Variants in GPC5 observed in about 807,000 individuals in gnomAD.
GPC5 encodes glypican-5.
GPC5 carries 47 observed loss-of-function variants against 53.9 expected under a neutral mutation model. The ratio of observed to expected loss-of-function variants is 0.87; its 90% CI spans 0.69 to 1.11. The LOEUF (loss-of-function observed/expected upper bound fraction) is 1.11. GPC5 is among the 50% of genes most tolerant of loss of function. GPC5 has a pLI of 0.00. For missense variants in GPC5, 748 were observed against 713.1 expected, an observed-to-expected ratio of 1.05 and a Z score of -0.56; for synonymous variants, 286 against 263.3, an observed-to-expected ratio of 1.09 and a Z score of -0.84.
At chr13:92,407,293 T>G (rs2139344273) in intron 7 of GPC5, among the ~76,000 whole-genome samples, 1 of 152,316 alleles carries the variant, frequency 6.6e-6, no homozygotes, top group African/African-American at 2.4e-5. Flanking sequence ...AATGACTTCT[T>G]TGAATGGCTT....
At chr13:91,448,714 T>G (rs754327954) in intron 1 of GPC5, 47 bp from the exon 2 acceptor site, 2 of 1,584,942 alleles carry the variant, frequency 1.3e-6, no homozygotes, top group Non-Finnish European at 1.7e-6. Context: ...TATGTAATAC[T>G]TGTTAAATGA....
At chr13:91,623,086 A>G (rs1048150245) in intron 2 of GPC5, among the ~76,000 whole-genome samples, 1 of 152,086 alleles carries the variant, frequency 6.6e-6, no homozygotes, top group African/African-American at 2.4e-5. Context: ...AAATATCTTT[A>G]TATCTCTGTA....
At chr13:92,172,583 T>G (rs2042078286) in intron 7 of GPC5, among the ~76,000 whole-genome samples, 1 of 152,192 alleles carries the variant, frequency 6.6e-6, no homozygotes, top group Admixed American at 6.5e-5. Flanking sequence ...AATTTTCAAG[T>G]GCTCATAGTC....
chr13:92,436,187 T>C (rs34769873), intron 7 of GPC5, among the ~76,000 whole-genome samples: 11,058 of 152,266 alleles, frequency 0.073, 437 homozygotes, highest in Admixed American at 0.1. Flanking sequence ...TAAAGACTTA[T>C]TTTGTTTGTG....
chr13:92,169,073 T>C (rs185619622), intron 7 of GPC5, among the ~76,000 whole-genome samples: 2 of 151,926 alleles, frequency 1.3e-5, no homozygotes, highest in Admixed American at 6.5e-5. Flanking sequence ...GCAAACTAAC[T>C]CAGGAACAGA....
intron 2 of GPC5, among the ~76,000 whole-genome samples, chr13:91,548,250 TAATC>T (rs1201630014): frequency 6.6e-6 from 1 of 152,200 alleles, no homozygotes; most frequent in East Asian, 1.9e-4. Flanking sequence ...CTGGAACTAA[TAATC>T]AATTATGGCA....
At chr13:91,710,539 T>G (rs962646275) in intron 3 of GPC5, among the ~76,000 whole-genome samples, 1 of 151,980 alleles carries the variant, frequency 6.6e-6, no homozygotes, top group African/African-American at 2.4e-5. Context: ...TTGGTAGAGG[T>G]GTATATAATC....
intron 7 of GPC5, among the ~76,000 whole-genome samples, chr13:92,301,906 AAAT>A (rs2043078301): frequency 6.6e-6 from 1 of 152,042 alleles, no homozygotes; most frequent in Admixed American, 6.6e-5. Context: ...AAAAATAAAT[AAAT>A]AAATTAATTA....
At chr13:92,004,542 A>C (rs934959700) in intron 6 of GPC5, among the ~76,000 whole-genome samples, 14 of 145,470 alleles carry the variant, frequency 9.6e-5, no homozygotes, top group African/African-American at 3.6e-4. Flanking sequence ...AGTATATATG[A>C]CTCTATTCAT....
chr13:92,552,976 T>C (rs1307787037), intron 7 of GPC5, among the ~76,000 whole-genome samples: 1 of 151,942 alleles, frequency 6.6e-6, no homozygotes, highest in Non-Finnish European at 1.5e-5. Flanking sequence ...CTGAAGGCTT[T>C]ATTTATGACT....
intron 2 of GPC5, among the ~76,000 whole-genome samples, chr13:91,679,935 A>G (rs1361918442): frequency 6.7e-6 from 1 of 150,260 alleles, no homozygotes; most frequent in African/African-American, 2.5e-5. Flanking sequence ...TCTGAATACC[A>G]TTTTTTTTTC....
chr13:92,632,798 T>C (rs535569442), intron 7 of GPC5, among the ~76,000 whole-genome samples: 74 of 152,246 alleles, frequency 4.9e-4, no homozygotes, highest in African/African-American at 1.8e-3. Flanking sequence ...CTTACAATCC[T>C]GGTGAAAGGC....
intron 7 of GPC5, among the ~76,000 whole-genome samples, chr13:92,547,298 T>C (rs1036043371): frequency 6.6e-6 from 1 of 152,214 alleles, no homozygotes; most frequent in African/African-American, 2.4e-5. Flanking sequence ...TGAAGGAATA[T>C]ATTTTTTCGA....
At chr13:92,606,622 T>G (rs1884269596) in intron 7 of GPC5, among the ~76,000 whole-genome samples, 1 of 152,216 alleles carries the variant, frequency 6.6e-6, no homozygotes, top group Admixed American at 6.5e-5. Flanking sequence ...AGGTCTACAA[T>G]GTCCTTTCCA....
intron 7 of GPC5, among the ~76,000 whole-genome samples, chr13:92,185,985 A>G (rs1317103017): frequency 6.6e-6 from 1 of 152,166 alleles, no homozygotes; most frequent in Non-Finnish European, 1.5e-5. Context: ...ATAAAATGTA[A>G]TAACAGCTTT....
At chr13:92,772,133 G>A (rs1055046199) in intron 7 of GPC5, among the ~76,000 whole-genome samples, 5 of 151,798 alleles carry the variant, frequency 3.3e-5, no homozygotes, top group African/African-American at 4.8e-5. Context: ...CCCTAGTCTC[G>A]GTCACTATTA....
intron 2 of GPC5, among the ~76,000 whole-genome samples, chr13:91,581,160 A>G (rs1464865527): frequency 6.6e-6 from 1 of 152,194 alleles, no homozygotes; most frequent in African/African-American, 2.4e-5. Context: ...AGAATTCAAG[A>G]TGAGATTTGG....
intron 7 of GPC5, among the ~76,000 whole-genome samples, chr13:92,454,687 G>A (rs1878193480): frequency 6.6e-6 from 1 of 152,094 alleles, no homozygotes. Context: ...CCCATACTTG[G>A]TGTCTAGTTA....
At chr13:91,962,155 T>A (rs1205489936) in intron 6 of GPC5, among the ~76,000 whole-genome samples, 2 of 152,116 alleles carry the variant, frequency 1.3e-5, no homozygotes, top group African/African-American at 4.8e-5. Context: ...GCAATTTTCC[T>A]AAGAGTGTTT....
Sources: gnomAD v4.1 joint callset for allele counts (sites outside exome capture counted in the v4.1 genomes callset) on GRCh38, gnomAD v4.1.1 for gene constraint, MANE v1.5 for transcripts, NCBI Gene and HGNC (gene_info 2026-07-23, HGNC 2026-07-21) for gene names.